The following SLCO1B3 variants were observed in gnomAD, a reference collection of about 807,000 sequenced individuals.
SLCO1B3 encodes the protein solute carrier organic anion transporter family member 1B3.
Under a neutral mutation model 71.8 loss-of-function variants are expected in SLCO1B3, and 72 were observed. That is an observed-to-expected ratio of 1.00 (90% CI 0.83 to 1.22). The LOEUF (loss-of-function observed/expected upper bound fraction) is 1.22. Among genes scored for constraint, SLCO1B3 ranks in the 50% most tolerant of loss-of-function variants. The pLI, the probability that SLCO1B3 is intolerant of heterozygous loss-of-function variation, is 0.00. For synonymous variants in SLCO1B3, 298 were observed against 278.4 expected, an observed-to-expected ratio of 1.07 and a Z score of -0.70; for missense variants, 911 against 819.7, an observed-to-expected ratio of 1.11 and a Z score of -1.36.
chr12:20,896,262 G>GA (rs1866005106), intron 13 of SLCO1B3, among the ~76,000 whole-genome samples: 3 of 152,116 alleles, frequency 2.0e-5, no homozygotes, highest in Non-Finnish European at 4.4e-5. Context: ...TTTCTCCTCA[G>GA]AAAATGGGGT....
At chr12:20,837,159 C>T (rs1177562512) in intron 3 of SLCO1B3, among the ~76,000 whole-genome samples, 3 of 151,594 alleles carry the variant, frequency 2.0e-5, no homozygotes, top group Admixed American at 6.6e-5. Context: ...TAGTGGTATC[C>T]CCTCTGTTAT....
intron 13 of SLCO1B3, among the ~76,000 whole-genome samples, chr12:20,889,687 C>G (rs906460775): frequency 6.6e-6 from 1 of 151,998 alleles, no homozygotes; most frequent in Non-Finnish European, 1.5e-5. Flanking sequence ...TTGCCCAAAT[C>G]TCATTTAGAT....
intron 15 of SLCO1B3, among the ~76,000 whole-genome samples, chr12:20,914,441 G>A (rs1866450987): frequency 6.6e-6 from 1 of 151,860 alleles, no homozygotes; most frequent in South Asian, 2.1e-4. Context: ...TTGTGTCATT[G>A]CTGTCATTTA....
At chr12:20,868,660 CAA>C (rs1050497070) in intron 8 of SLCO1B3, among the ~76,000 whole-genome samples, 4 of 69,560 alleles carry the variant, frequency 5.8e-5, no homozygotes, top group Admixed American at 1.9e-4. Context: ...AGACACAAGA[CAA>C]AGAGATAAAA....
chr12:20,894,997 C>T (rs947240462), intron 13 of SLCO1B3, among the ~76,000 whole-genome samples: 2 of 152,136 alleles, frequency 1.3e-5, no homozygotes, highest in Admixed American at 6.6e-5. Context: ...GCAAAGGGAG[C>T]TTGTGCAGGA....
At chr12:20,821,954 G>T (rs1481928463) in intron 3 of SLCO1B3, among the ~76,000 whole-genome samples, 3 of 148,122 alleles carry the variant, frequency 2.0e-5, no homozygotes, top group Non-Finnish European at 4.5e-5. Flanking sequence ...GGGAGAGATT[G>T]AAGTGTGGTG....
rs78274983 is a variant in SLCO1B3, at chr12:20,876,220, C to A, written c.970+743C>A. The stretch of plus-strand genomic sequence containing the variant: ...TCCTTACCACTTGATAGTGGTGCCT[C>A]TGTCCAATATAAGCCAAATGGGCTA... On this transcript the variant is annotated intron_variant, in intron 9 of 15. Transcript: ENST00000381545. Among the ~76,000 whole-genome samples the A allele has an allele frequency of 9.2e-3, 1,405 of 152,094 alleles. 16 individuals are homozygous for A. The highest frequency in any genetic ancestry group is 0.016 in the Non-Finnish European group (1,055 of 67,962).
At chr12:20,870,558 T>C (rs11045573) in intron 8 of SLCO1B3, among the ~76,000 whole-genome samples, 109,969 of 151,952 alleles carry the variant, frequency 0.72, 42,395 homozygotes, top group South Asian at 0.9. Context: ...TGTGAATATC[T>C]GGTTTTCTCA....
chr12:20,884,619 A>G (rs1549968), intron 13 of SLCO1B3, among the ~76,000 whole-genome samples: 110,046 of 151,924 alleles, frequency 0.72, 42,440 homozygotes, highest in South Asian at 0.9. Context: ...AAATAAGCAC[A>G]CAATCACCTA....
In SLCO1B3 at chr12:20,883,616, T is replaced by G. The variant is rs752571263; in HGVS notation, c.1682+14T>G. Reference sequence around the variant, plus strand: ...GTTGACTGTGAAGTAAGTATGATCCTGTAAAACATTGTCATGTATATTAGA... The same window carrying G: ...GTTGACTGTGAAGTAAGTATGATCCGGTAAAACATTGTCATGTATATTAGA... On this transcript the variant is annotated intron_variant, in intron 13 of 15. Transcript: ENST00000381545. 7 of 1,536,860 alleles carry G rather than the reference T, an allele frequency of 4.6e-6. No individual in the cohort carries two copies. Among genetic ancestry groups the G allele is most frequent in the Non-Finnish European group, 6.2e-6 (7 of 1,135,688 alleles).
rs146186543 is a variant in SLCO1B3, at chr12:20,849,711, T to TCACACACACACA, written c.85-5294_85-5283dup. On this transcript the variant is annotated intron_variant, in intron 3 of 15. Coordinates refer to ENST00000381545, the MANE Select transcript of SLCO1B3 (RefSeq NM_019844.4). ...TAAAGAAAAATTACATAGTAGAAAA[T>TCACACACACACA]CACACACACACACACACACACACAC... 1.9e-4 allele frequency among the ~76,000 whole-genome samples: 24 copies of TCACACACACACA among 126,366 alleles called. 1 individual carries two copies. The highest frequency in any genetic ancestry group is 1.4e-3 in the East Asian group (6 of 4,390). 82.9% of individuals were successfully genotyped at this position (126,366 alleles called of 152,430 possible).
At chr12:20,865,815 G>A (rs1289385155) in intron 8 of SLCO1B3, among the ~76,000 whole-genome samples, 1 of 152,140 alleles carries the variant, frequency 6.6e-6, no homozygotes, top group East Asian at 1.9e-4. Flanking sequence ...TTTACACAGA[G>A]AAACTCTTAT....
Position 20,862,497 on chromosome 12 carries a change from A to G in SLCO1B3, c.567A>G (p.Val189=). The G allele has an allele frequency of 1.2e-6, 2 of 1,611,900 alleles. No homozygotes were observed. The highest frequency in any genetic ancestry group is 1.7e-6 in the Non-Finnish European group (2 of 1,178,264). ...MLRGIGETPI[V]PLGISYIDDF... ...GTGGCATAGGGGAAACCCCCATAGTACCATTGGGGATTTCATACATTGATG... is the reference window on the plus strand; with the variant it reads ...GTGGCATAGGGGAAACCCCCATAGTGCCATTGGGGATTTCATACATTGATG... The change falls in exon 7 of 16, where the codon GTA becomes GTG. Residue 189 remains valine, a synonymous_variant. Coordinates refer to ENST00000381545, the MANE Select transcript of SLCO1B3 (RefSeq NM_019844.4).
intron 15 of SLCO1B3, among the ~76,000 whole-genome samples, chr12:20,911,887 G>T (rs1030887863): frequency 3.3e-5 from 5 of 151,976 alleles, no homozygotes; most frequent in African/African-American, 1.2e-4. Context: ...AACAGCTTTT[G>T]TTTTTGTTGA....
Position 20,861,192 on chromosome 12 carries a change from G to A in SLCO1B3, c.481+54G>A, listed in dbSNP as rs111795682. On this transcript the variant is annotated intron_variant, in intron 6 of 15. Transcript: ENST00000381545. ...ATTCTAGATTGATAGATTTAATCACGTCTATAAAGTTTCTGATATTCTTTA... is the reference window on the plus strand; with the variant it reads ...ATTCTAGATTGATAGATTTAATCACATCTATAAAGTTTCTGATATTCTTTA... The A allele has an allele frequency of 3.3e-4, 482 of 1,453,786 alleles. 4 individuals are homozygous for A. In the African/African-American group the frequency reaches 4.2e-3, roughly 13 times the overall value. The allele number at this position is 1,453,786 out of a possible 1,614,324, so 90.1% of individuals were successfully genotyped here.
At chr12:20,899,105 G>T (rs927009511) in intron 14 of SLCO1B3, among the ~76,000 whole-genome samples, 1 of 152,152 alleles carries the variant, frequency 6.6e-6, no homozygotes, top group African/African-American at 2.4e-5. Context: ...TGTGGTTTAT[G>T]GTGGCAAGGG....
intron 3 of SLCO1B3, among the ~76,000 whole-genome samples, chr12:20,841,198 A>G (rs1864792832): frequency 6.6e-6 from 1 of 152,134 alleles, no homozygotes; most frequent in African/African-American, 2.4e-5. Context: ...TCTTGGAGAC[A>G]GTGGTTTGCC....
At chr12:20,847,968 AAATAAT>A (rs902201893) in intron 3 of SLCO1B3, among the ~76,000 whole-genome samples, 2 of 152,140 alleles carry the variant, frequency 1.3e-5, no homozygotes, top group East Asian at 3.9e-4. Context: ...TTAAAAGTCA[AAATAAT>A]AATAATAATA....
In SLCO1B3 at chr12:20,858,426, G is replaced by A. The variant is rs777995677; in HGVS notation, c.227-13G>A. 2 of 1,546,892 alleles carry A rather than the reference G, an allele frequency of 1.3e-6. No homozygotes were observed. Among genetic ancestry groups the A allele is most frequent in the African/African-American group, 1.4e-5 (1 of 73,310 alleles). ...CACTAAGTCATATCAACATAATTTT[G>A]TTTTTTTTCTAGGAAATTTGCTTGT... is the stretch of plus-strand genomic sequence containing the variant. On this transcript the variant is annotated splice_polypyrimidine_tract_variant and intron_variant, in intron 4 of 15. Transcript: ENST00000381545.
Sources: gnomAD v4.1 joint callset for allele counts (sites outside exome capture counted in the v4.1 genomes callset) on GRCh38, gnomAD v4.1.1 for gene constraint, MANE v1.5 for transcripts, NCBI Gene and HGNC (gene_info 2026-07-23, HGNC 2026-07-21) for gene names.